The following SBF2 variants were observed in gnomAD, a reference collection of about 807,000 sequenced individuals.
SBF2 encodes SET binding factor 2.
Under a neutral mutation model 225.2 loss-of-function variants are expected in SBF2, and 112 were observed. That is an observed-to-expected ratio of 0.50 (90% CI 0.43 to 0.58). The LOEUF is 0.58. SBF2 is among the 20% of genes least tolerant of loss of function. The pLI, the probability that SBF2 is intolerant of heterozygous loss-of-function variation, is 0.00. For synonymous variants in SBF2, 763 were observed against 773.3 expected (o/e 0.99, Z 0.22); for missense variants, 1,996 against 2,206.2 (o/e 0.90, Z 1.91).
intron 17 of SBF2, among the ~76,000 whole-genome samples, chr11:9,892,197 C>A (rs60517573): frequency 0.059 from 8,995 of 152,110 alleles, 448 homozygotes; most frequent in East Asian, 0.28. Flanking sequence ...CGGCTCACTG[C>A]AGCCTCTGCC....
chr11:10,234,775 T>G (rs1264399084), intron 1 of SBF2, among the ~76,000 whole-genome samples: 1 of 152,178 alleles, frequency 6.6e-6, no homozygotes, highest in Non-Finnish European at 1.5e-5. Flanking sequence ...ATCTCTATGA[T>G]GAAAAGAATG....
chr11:9,967,947 G>GTCTCTCTCTCTC (rs1214352340), intron 14 of SBF2, among the ~76,000 whole-genome samples: 14 of 100,224 alleles, frequency 1.4e-4, no homozygotes, highest in South Asian at 3.4e-4. Flanking sequence ...CTGTCTGTCT[G>GTCTCTCTCTCTC]TCTCTCTCTC....
chr11:10,253,507 A>G (rs1225504585), intron 1 of SBF2, among the ~76,000 whole-genome samples: 1 of 152,172 alleles, frequency 6.6e-6, no homozygotes, highest in Non-Finnish European at 1.5e-5. Context: ...TATATCCCTG[A>G]TTCTGTGGAG....
intron 18 of SBF2, 145 bp downstream of exon 18, chr11:9,858,081 A>G: frequency 1.2e-6 from 1 of 829,862 alleles, no homozygotes; most frequent in East Asian, 2.4e-5. Context: ...AAATCAACAG[A>G]GGAAAGATAT....
At chr11:10,285,839 A>G (rs918492828) in intron 1 of SBF2, among the ~76,000 whole-genome samples, 2 of 152,212 alleles carry the variant, frequency 1.3e-5, no homozygotes, top group African/African-American at 2.4e-5. Flanking sequence ...CCCTCCACCA[A>G]TAACAGTAAG....
chr11:9,962,198 A>G (rs1866618975), intron 15 of SBF2, 92 bp from the exon 16 acceptor site: 3 of 1,112,070 alleles, frequency 2.7e-6, no homozygotes, highest in Non-Finnish European at 2.7e-6. Context: ...AACGCATCCT[A>G]TAATTTATTT....
chr11:10,192,863 A>G (rs1296807221), intron 2 of SBF2, among the ~76,000 whole-genome samples: 1 of 152,188 alleles, frequency 6.6e-6, no homozygotes, highest in African/African-American at 2.4e-5. Context: ...CACAATATAA[A>G]TAAGTACACA....
chr11:9,998,988 G>T (rs1947828011), intron 8 of SBF2, among the ~76,000 whole-genome samples: 1 of 152,140 alleles, frequency 6.6e-6, no homozygotes, highest in African/African-American at 2.4e-5. Flanking sequence ...AAAAAAATTA[G>T]TATTTATTAT....
chr11:10,171,372 G>C (rs1349602220), intron 2 of SBF2, among the ~76,000 whole-genome samples: 1 of 152,136 alleles, frequency 6.6e-6, no homozygotes, highest in African/African-American at 2.4e-5. Context: ...TTTATCAGAT[G>C]CTTTTTCAGC....
intron 2 of SBF2, among the ~76,000 whole-genome samples, chr11:10,116,687 G>C (rs1300603448): frequency 6.6e-6 from 1 of 151,456 alleles, no homozygotes; most frequent in African/African-American, 2.4e-5. Flanking sequence ...TTCTCCATGA[G>C]CTCTCTGCTT....
In SBF2 at chr11:9,812,525, A is replaced by G. The variant is rs574184269; in HGVS notation, c.4155+7T>C. ...GTTATAAAGAAAGAAGCTGCTTCAG[A>G]CATTACCTGTGGGAACCACTCAGAA... On this transcript the variant is annotated splice_region_variant and intron_variant, in intron 30 of 39. Transcript: ENST00000256190. 4 of 1,614,140 alleles carry G rather than the reference A, an allele frequency of 2.5e-6. No individual in the cohort carries two copies. In the Admixed American group the frequency reaches 5.0e-5, roughly 20 times the overall value.
At chr11:10,247,057 G>T (rs1187179237) in intron 1 of SBF2, among the ~76,000 whole-genome samples, 3 of 152,104 alleles carry the variant, frequency 2.0e-5, no homozygotes, top group Admixed American at 6.5e-5. Context: ...ACTGTGCTAG[G>T]TGACATAAAT....
intron 9 of SBF2, among the ~76,000 whole-genome samples, chr11:9,994,823 G>C (rs7930920): frequency 0.21 from 31,609 of 151,784 alleles, 3,411 homozygotes; most frequent in East Asian, 0.27. Flanking sequence ...GATCACTTCA[G>C]GTCAGGAATT....
At chr11:10,089,241 G>C (rs1951689060) in intron 2 of SBF2, among the ~76,000 whole-genome samples, 1 of 152,096 alleles carries the variant, frequency 6.6e-6, no homozygotes, top group Non-Finnish European at 1.5e-5. Flanking sequence ...AGTCCACACT[G>C]TATGTCCATA....
chr11:9,864,185 C>T lies in SBF2; in HGVS notation c.1930-5789G>A, dbSNP rs78896333. Among the ~76,000 whole-genome samples the T allele has an allele frequency of 7.3e-3, 1,106 of 152,262 alleles. 4 individuals are homozygous for T. The highest frequency in any genetic ancestry group is 0.012 in the Non-Finnish European group (827 of 68,012). ...TAAATGGGATGACTATAAGCATCTT[C>T]TACAGTTTTTCCTGTTTTACTACCT... On this transcript the variant is annotated intron_variant, in intron 17 of 39. Coordinates refer to ENST00000256190, the MANE Select transcript of SBF2 (RefSeq NM_030962.4).
At chr11:10,274,490 C>T (rs775748177) in intron 1 of SBF2, among the ~76,000 whole-genome samples, 2 of 152,022 alleles carry the variant, frequency 1.3e-5, no homozygotes, top group African/African-American at 4.8e-5. Flanking sequence ...GTCGCTCACG[C>T]CTATAATCCC....
intron 2 of SBF2, among the ~76,000 whole-genome samples, chr11:10,106,177 C>T (rs761500158): frequency 1.3e-5 from 2 of 152,112 alleles, no homozygotes; most frequent in African/African-American, 2.4e-5. Context: ...GAACCCTTAC[C>T]CCACTTCCTC....
At chr11:9,908,520 A>T (rs113167272) in intron 16 of SBF2, among the ~76,000 whole-genome samples, 1 of 150,282 alleles carries the variant, frequency 6.7e-6, no homozygotes, top group African/African-American at 2.4e-5. Flanking sequence ...CCAGCTACTC[A>T]GGAGGCTGAG....
intron 1 of SBF2, among the ~76,000 whole-genome samples, chr11:10,196,866 A>ATATATATATATATATATATATAT: frequency 1.0e-5 from 1 of 99,314 alleles, no homozygotes; most frequent in African/African-American, 4.0e-5. Flanking sequence ...ATATATATAT[A>ATATATATATATATATATATATAT]TTTTTTTTTT....
Sources: allele counts gnomAD v4.1 joint callset (sites outside exome capture counted in the v4.1 genomes callset), GRCh38; gene constraint gnomAD v4.1.1; transcripts MANE v1.5; gene names NCBI Gene and HGNC (gene_info 2026-07-23, HGNC 2026-07-21).